Variants in ADARB1 observed in about 807,000 individuals in gnomAD.
ADARB1 encodes the protein double-stranded RNA-specific editase 1.
A neutral mutation model predicts 52.4 loss-of-function variants in ADARB1; 10 were observed. That is an observed-to-expected ratio of 0.19 (90% CI 0.12 to 0.32). The LOEUF (loss-of-function observed/expected upper bound fraction) is 0.32, where lower values mean the gene tolerates loss of function less well. Among genes scored for constraint, ADARB1 ranks in the 10% least tolerant of loss-of-function variants. The pLI, the probability that ADARB1 is intolerant of heterozygous loss-of-function variation, is 1.00. For synonymous variants in ADARB1, 349 were observed against 371.1 expected (o/e 0.94, Z 0.68); for missense variants, 643 against 922.3 (o/e 0.70, Z 3.92).
intron 9 of ADARB1, among the ~76,000 whole-genome samples, chr21:45,212,377 C>T (rs1242761339): frequency 2.0e-5 from 3 of 152,130 alleles, no homozygotes; most frequent in Non-Finnish European, 4.4e-5. Context: ...TGCAGGAACT[C>T]AGAACATGCA....
intron 2 of ADARB1, among the ~76,000 whole-genome samples, chr21:45,151,250 C>A (rs1008360947): frequency 6.6e-6 from 1 of 152,152 alleles, no homozygotes; most frequent in Admixed American, 6.5e-5. Flanking sequence ...GATGCTGAGG[C>A]AATAGAAAAT....
chr21:45,097,380 G>A (rs1285644046), intron 1 of ADARB1, among the ~76,000 whole-genome samples: 2 of 152,076 alleles, frequency 1.3e-5, no homozygotes, highest in East Asian at 3.9e-4. Context: ...AGGAGATACC[G>A]AGGCCCTGTG....
chr21:45,151,247 A>G (rs1214586345), intron 2 of ADARB1, among the ~76,000 whole-genome samples: 1 of 152,234 alleles, frequency 6.6e-6, no homozygotes, highest in African/African-American at 2.4e-5. Flanking sequence ...ATAGATGCTG[A>G]GGCAATAGAA....
chr21:45,175,837 G>A lies in ADARB1; in HGVS notation c.136G>A (p.Gly46Ser). Residue 46 changes from glycine to serine, a missense_variant, in exon 4 of 11, where the codon GGT (glycine) becomes AGT (serine). Coordinates refer to ENST00000348831, the MANE Select transcript of ADARB1 (RefSeq NM_001112.4). ...GGGCTCTCAGCTCTCCAATGGGGGT[G>A]GTGGTGGCCCCGGCAGAAAGCGGCC... ...GEGSQLSNGG[G>S]GGPGRKRPLE... 1 of 1,614,118 alleles carries A rather than the reference G, an allele frequency of 6.2e-7. No homozygotes were observed. The highest frequency in any genetic ancestry group is 8.5e-7 in the Non-Finnish European group (1 of 1,180,010).
intron 1 of ADARB1, among the ~76,000 whole-genome samples, chr21:45,082,418 G>A (rs538768207): frequency 2.0e-5 from 3 of 152,282 alleles, no homozygotes; most frequent in South Asian, 2.1e-4. Context: ...GTAAGCCAGC[G>A]TCTGTCTGTA....
intron 2 of ADARB1, among the ~76,000 whole-genome samples, chr21:45,162,608 G>A (rs560184135): frequency 6.6e-6 from 1 of 152,196 alleles, no homozygotes; most frequent in Non-Finnish European, 1.5e-5. Context: ...ACCAAAAAGA[G>A]CCACACCTGA....
At chr21:45,213,364 A>T (rs1175669411) in intron 9 of ADARB1, among the ~76,000 whole-genome samples, 2 of 152,126 alleles carry the variant, frequency 1.3e-5, no homozygotes, top group Admixed American at 1.3e-4. Flanking sequence ...TTTTATTTTT[A>T]AATTATCTTT....
intron 8 of ADARB1, among the ~76,000 whole-genome samples, chr21:45,191,881 T>TATA (rs1491137142): frequency 1.0e-4 from 1 of 9,888 alleles, no homozygotes; most frequent in African/African-American, 3.0e-4. Flanking sequence ...TATATATATA[T>TATA]TTTTTTTTTT....
chr21:45,133,732 T>C (rs2089111505), intron 2 of ADARB1: 1 of 283,210 alleles, frequency 3.5e-6, no homozygotes, highest in Non-Finnish European at 6.9e-6. Context: ...TCGACAGTGG[T>C]GTGTGCGCCC....
chr21:45,157,903 C>A lies in ADARB1; in HGVS notation c.-47-13707C>A, dbSNP rs1483411309. Among the ~76,000 whole-genome samples the A allele has an allele frequency of 6.6e-6, 1 of 152,188 alleles. No individual in the cohort carries two copies. The highest frequency in any genetic ancestry group is 2.4e-5 in the African/African-American group (1 of 41,444). On this transcript the variant is annotated intron_variant, in intron 2 of 10. Transcript: ENST00000348831. The surrounding 1 kb of genome is among the most constrained non-coding windows in gnomAD (Gnocchi z 4.1). ...AAAGGTGAGAAAGAATACAGAGAAGCACGCAGGAAGCTGTGTGAGTTGGCC... is the reference window on the plus strand; with the variant it reads ...AAAGGTGAGAAAGAATACAGAGAAGAACGCAGGAAGCTGTGTGAGTTGGCC...
At chr21:45,146,566 A>T (rs1230748875) in intron 2 of ADARB1, among the ~76,000 whole-genome samples, 1 of 152,146 alleles carries the variant, frequency 6.6e-6, no homozygotes. Flanking sequence ...GATGTGGTGG[A>T]TGTGGGGGTA....
At chr21:45,154,720 T>TTAA (rs1468338644) in intron 2 of ADARB1, among the ~76,000 whole-genome samples, 3 of 152,202 alleles carry the variant, frequency 2.0e-5, no homozygotes, top group Admixed American at 1.3e-4. Flanking sequence ...GTTAGCTTAA[T>TTAA]CATCAGGAAA....
intron 1 of ADARB1, among the ~76,000 whole-genome samples, chr21:45,109,142 T>C (rs2087393055): frequency 6.6e-6 from 1 of 151,184 alleles, no homozygotes. Flanking sequence ...TATGCGTGTG[T>C]GTGTGCGCGC....
intron 1 of ADARB1, among the ~76,000 whole-genome samples, chr21:45,114,441 G>A (rs1011339736): frequency 1.3e-5 from 2 of 152,288 alleles, no homozygotes; most frequent in Admixed American, 6.5e-5. Context: ...CCGTCATCCC[G>A]GGCAGGTGCG....
chr21:45,148,729 C>T (rs1470212041), intron 2 of ADARB1, among the ~76,000 whole-genome samples: 1 of 152,192 alleles, frequency 6.6e-6, no homozygotes, highest in Admixed American at 6.5e-5. Context: ...CAGCTGGGCT[C>T]GGCTTTGCTC....
intron 2 of ADARB1, among the ~76,000 whole-genome samples, chr21:45,150,709 C>G (rs986863728): frequency 3.9e-5 from 6 of 152,142 alleles, no homozygotes; most frequent in African/African-American, 1.4e-4. Flanking sequence ...CCAGTGCTTT[C>G]ATGAGATGCT....
chr21:45,194,246 C>T (rs921588584), intron 8 of ADARB1, among the ~76,000 whole-genome samples: 21 of 152,210 alleles, frequency 1.4e-4, no homozygotes, highest in African/African-American at 4.1e-4. Flanking sequence ...GCATCTCCCA[C>T]TCTAGTGCTA....
In ADARB1 at chr21:45,091,178, G is replaced by T. The variant is rs546523219; in HGVS notation, c.-220+16385G>T. Among the ~76,000 whole-genome samples, 20 of 152,310 alleles carry T rather than the reference G, an allele frequency of 1.3e-4. No individual in the cohort carries two copies. In the South Asian group the frequency reaches 1.9e-3, roughly 14 times the overall value. On this transcript the variant is annotated intron_variant, in intron 1 of 10. Transcript: ENST00000348831. ...GTTCTGCTATGTCTTTAAGTCACGT[G>T]TTTTTTCTATTTGACCGTCCTTGCC...
chr21:45,206,549 T>C (rs2092669430), intron 9 of ADARB1, among the ~76,000 whole-genome samples: 1 of 148,484 alleles, frequency 6.7e-6, no homozygotes, highest in African/African-American at 2.5e-5. Context: ...CTCCTCAATA[T>C]CTTCTCTGGT....
Sources: gnomAD v4.1 joint callset for allele counts (sites outside exome capture counted in the v4.1 genomes callset) on GRCh38, gnomAD v4.1.1 for gene constraint, Gnocchi (gnomAD v3.1) non-coding constraint, MANE v1.5 for transcripts, NCBI Gene and HGNC (gene_info 2026-07-23, HGNC 2026-07-21) for gene names.